MAP3K19: variants seen among roughly 807,000 people sequenced by gnomAD.
MAP3K19 encodes mitogen-activated protein kinase kinase kinase 19, also known as SPS1/STE20-related protein kinase YSK4.
MAP3K19 carries 91 observed loss-of-function variants against 114.4 expected under a neutral mutation model. The observed-to-expected ratio is 0.80, with a 90% confidence interval of 0.67 to 0.95. MAP3K19 has a LOEUF of 0.95. Among genes scored for constraint, MAP3K19 ranks in the 40% least tolerant of loss-of-function variants. MAP3K19 has a pLI of 0.00. For missense variants in MAP3K19, 1,471 were observed against 1,573.2 expected, an observed-to-expected ratio of 0.94 and a Z score of 1.10; for synonymous variants, 518 against 530.5, an observed-to-expected ratio of 0.98 and a Z score of 0.32.
intron 12 of MAP3K19, among the ~76,000 whole-genome samples, chr2:134,973,245 A>G (rs1278925625): frequency 6.6e-6 from 1 of 152,166 alleles, no homozygotes; most frequent in Non-Finnish European, 1.5e-5. Context: ...CCCATCTATG[A>G]TTGTATTAGA....
At chr2:135,031,448 C>T (rs1307457815) in intron 2 of MAP3K19, among the ~76,000 whole-genome samples, 1 of 151,994 alleles carries the variant, frequency 6.6e-6, no homozygotes, top group Non-Finnish European at 1.5e-5. Context: ...ATGTCTAGAG[C>T]CCAGAATAAG....
intron 2 of MAP3K19, among the ~76,000 whole-genome samples, chr2:135,033,514 T>A (rs1688443915): frequency 1.1e-5 from 1 of 90,498 alleles, no homozygotes; most frequent in Non-Finnish European, 2.0e-5. Flanking sequence ...CACTTCCCAG[T>A]AGGGGCAGCC....
chr2:135,019,158 C>G (rs10203840), intron 5 of MAP3K19, among the ~76,000 whole-genome samples: 38,472 of 151,830 alleles, frequency 0.25, 6,080 homozygotes, highest in African/African-American at 0.41. Context: ...TTTTAGAAGA[C>G]AGCATAGGAT....
chr2:134,973,320 G>T (rs141328119), intron 12 of MAP3K19, among the ~76,000 whole-genome samples: 176 of 152,252 alleles, frequency 1.2e-3, no homozygotes, highest in African/African-American at 3.9e-3. Flanking sequence ...GGTGCAGGGT[G>T]CATCAGAACT....
intron 12 of MAP3K19, among the ~76,000 whole-genome samples, chr2:134,973,206 C>T (rs1301236415): frequency 2.6e-5 from 4 of 152,112 alleles, no homozygotes; most frequent in African/African-American, 7.2e-5. Context: ...AGATGATCTG[C>T]TTAATGTTGA....
Position 134,987,643 on chromosome 2 carries a change from A to T in MAP3K19, c.1229T>A (p.Met410Lys). The stretch of plus-strand genomic sequence containing the variant: ...TTTTGAAGCAGCTTTATTATTTCTC[A>T]TCTCTTCATCCTGGCTTGGAGTTAT... ...SEITPSQDEE[M>K]RNNKAASKRV... is the part of the protein sequence containing the mutation. Residue 410 changes from methionine to lysine, a missense_variant, in exon 10 of 13, where the codon ATG becomes AAG. Physicochemically the swap from Met to Lys is moderately conservative, Grantham distance 95. Transcript: ENST00000392915. The T allele has an allele frequency of 6.2e-7, 1 of 1,613,860 alleles. No individual in the cohort carries two copies. The highest frequency in any genetic ancestry group is 1.1e-5 in the South Asian group (1 of 91,074).
chr2:134,977,111 G>A (rs940865215), intron 12 of MAP3K19, among the ~76,000 whole-genome samples: 2 of 148,618 alleles, frequency 1.3e-5, no homozygotes, highest in Admixed American at 6.7e-5. Flanking sequence ...TTTAAAATAT[G>A]CAGAAATCTC....
chr2:134,997,817 C>CAAAAAAAAAAAAAAAA lies in MAP3K19; in HGVS notation c.574+920_574+921insTTTTTTTTTTTTTTTT, dbSNP rs1187957592. ...CTGGTGACAGAGCGAGACTCCGTCT[C>CAAAAAAAAAAAAAAAA]AAAAAAAAAAAAACTTTAAGCACTG... On this transcript the variant is annotated intron_variant, in intron 8 of 12. Transcript: ENST00000392915. Among the ~76,000 whole-genome samples, 65 of 90,954 alleles carry CAAAAAAAAAAAAAAAA rather than the reference C, an allele frequency of 7.1e-4. 2 individuals are homozygous for CAAAAAAAAAAAAAAAA. In the East Asian group the frequency reaches 0.01, roughly 14 times the overall value. The allele number at this position is 90,954 out of a possible 152,430, so 59.7% of individuals were successfully genotyped here.
intron 12 of MAP3K19, among the ~76,000 whole-genome samples, chr2:134,977,467 A>G (rs768865448): frequency 2.2e-5 from 3 of 137,954 alleles, no homozygotes; most frequent in Non-Finnish European, 3.0e-5. Flanking sequence ...GGTTCACACC[A>G]TTTTCCTGGC....
chr2:134,966,279 T>A (rs933680337), intron 12 of MAP3K19, among the ~76,000 whole-genome samples: 8 of 152,138 alleles, frequency 5.3e-5, no homozygotes, highest in African/African-American at 1.9e-4. Flanking sequence ...GGCAGGTAGT[T>A]CTATTTTTAG....
rs1246839931 is a variant in MAP3K19 at position 134,983,745 on chromosome 2, A to G, written c.3153T>C (p.Asn1051=). ...ISNEKKIFSE[N]SLKSEEPILW... is the part of the protein sequence containing the mutation. ...GGATAGGTTCTTCAGACTTTAAACT[A>G]TTTTCAGAAAATATCTTCTTTTCAT... The change falls in exon 11 of 13, where the codon AAT becomes AAC. Residue 1051 remains asparagine, a synonymous_variant. Transcript: ENST00000392915. The G allele has an allele frequency of 6.2e-7, 1 of 1,607,230 alleles. No individual in the cohort carries two copies. The highest frequency in any genetic ancestry group is 8.5e-7 in the Non-Finnish European group (1 of 1,177,424).
At chr2:135,024,572 T>C in intron 4 of MAP3K19, 54 bp downstream of exon 4, 11 of 1,506,338 alleles carry the variant, frequency 7.3e-6, no homozygotes, top group Non-Finnish European at 1.0e-5. Context: ...AAGAAAGAGA[T>C]CTAACAGGAA....
At chr2:135,028,692 G>C (rs559236991) in intron 3 of MAP3K19, among the ~76,000 whole-genome samples, 19 of 152,244 alleles carry the variant, frequency 1.2e-4, no homozygotes, top group African/African-American at 4.1e-4. Context: ...AAACTGAAAA[G>C]CTACCGCAGG....
chr2:135,018,133 A>T lies in MAP3K19; in HGVS notation c.138+3582T>A, dbSNP rs968675868. On this transcript the variant is annotated intron_variant, in intron 5 of 12. Coordinates refer to ENST00000392915, the MANE Select transcript of MAP3K19 (RefSeq NM_025052.5). ...ATAGAGAAACCCCGTCTCTACTAAAAATACAAAATTAGCCGGGCATGGTGG... is the reference window on the plus strand; with the variant it reads ...ATAGAGAAACCCCGTCTCTACTAAATATACAAAATTAGCCGGGCATGGTGG... Among the ~76,000 whole-genome samples the T allele has an allele frequency of 1.2e-4, 18 of 152,094 alleles. No individual in the cohort carries two copies. In the Middle Eastern group the frequency reaches 9.5e-3, roughly 80 times the overall value.
chr2:135,045,455 C>A (rs1488281630), intron 1 of MAP3K19, among the ~76,000 whole-genome samples: 2 of 152,090 alleles, frequency 1.3e-5, no homozygotes, highest in East Asian at 3.8e-4. Flanking sequence ...TTTGCAGGAT[C>A]ATTTCAGGGG....
intron 2 of MAP3K19, among the ~76,000 whole-genome samples, chr2:135,038,412 C>T (rs1389530763): frequency 6.6e-6 from 1 of 151,970 alleles, no homozygotes; most frequent in African/African-American, 2.4e-5. Context: ...GCTGGGATTA[C>T]AGGCCTGAGC....
chr2:134,964,978 C>A (rs1264874064), intron 12 of MAP3K19, 62 bp from the exon 13 acceptor site: 38 of 1,246,042 alleles, frequency 3.0e-5, no homozygotes, highest in Non-Finnish European at 4.2e-5. Context: ...CAATGTAGAT[C>A]TACTTAAATG....
At chr2:134,983,631 T>C (rs750883830) in intron 11 of MAP3K19, 45 bp downstream of exon 11, 1 of 895,874 alleles carries the variant, frequency 1.1e-6, no homozygotes, top group Non-Finnish European at 1.4e-6. Context: ...GGAGGGACTG[T>C]GGGGGGGTGG....
At chr2:134,974,375 TG>T (rs536537835) in intron 12 of MAP3K19, among the ~76,000 whole-genome samples, 52 of 152,324 alleles carry the variant, frequency 3.4e-4, no homozygotes, top group Admixed American at 2.7e-3. Flanking sequence ...GTTAGTCTGA[TG>T]GGGGTTCTTT....
Sources: allele counts gnomAD v4.1 joint callset (sites outside exome capture counted in the v4.1 genomes callset), GRCh38; gene constraint gnomAD v4.1.1; transcripts MANE v1.5; gene names NCBI Gene and HGNC (gene_info 2026-07-23, HGNC 2026-07-21).